The following TBC1D30 variants were observed in gnomAD, a reference collection of about 807,000 sequenced individuals.
The protein encoded by TBC1D30 is TBC1 domain family, member 30.
TBC1D30 carries 31 observed loss-of-function variants against 63.2 expected under a neutral mutation model. The observed-to-expected ratio is 0.49, with a 90% CI of 0.37 to 0.66. The LOEUF (loss-of-function observed/expected upper bound fraction) is 0.66, where lower values mean the gene tolerates loss of function less well. TBC1D30 is among the 30% of genes least tolerant of loss of function. TBC1D30 has a pLI of 0.00. For missense variants in TBC1D30, 810 were observed against 953.6 expected, an observed-to-expected ratio of 0.85 and a Z score of 1.98; for synonymous variants, 307 against 361.5, an observed-to-expected ratio of 0.85 and a Z score of 1.71.
At position 64,864,781 on chromosome 12, in the gene TBC1D30, G is replaced by A; in HGVS notation, c.1151+1G>A. On this transcript the variant is annotated splice_donor_variant, in intron 9 of 11. Transcript: ENST00000539867. LOFTEE classifies it high-confidence loss of function. ...CAGTTAAACCCACCTCAGTTTCTGG[G>A]TAAGGTTTTTAAATTCCTTGTTGTT... 1.3e-6 allele frequency: 2 copies of A among 1,531,538 alleles called. No homozygotes were observed. Among genetic ancestry groups the A allele is most frequent in the Non-Finnish European group, 1.7e-6 (2 of 1,143,310 alleles). The allele number at this position is 1,531,538 out of a possible 1,614,324, so 94.9% of individuals were successfully genotyped here.
At chr12:64,855,665 C>T (rs547657201) in intron 8 of TBC1D30, among the ~76,000 whole-genome samples, 1 of 152,326 alleles carries the variant, frequency 6.6e-6, no homozygotes, top group Admixed American at 6.5e-5. Context: ...ATAATTTCTG[C>T]TTAACTATTT....
At chr12:64,838,873 CTCTGTTCT>C in intron 7 of TBC1D30, 22 bp downstream of exon 7, 1 of 1,534,950 alleles carries the variant, frequency 6.5e-7, no homozygotes, top group Non-Finnish European at 8.7e-7. Context: ...CCACCTTCTG[CTCTGTTCT>C]GTGATGTTGA....
chr12:64,864,421 C>A (rs1007250467), intron 8 of TBC1D30, among the ~76,000 whole-genome samples: 2 of 152,112 alleles, frequency 1.3e-5, no homozygotes, highest in African/African-American at 4.8e-5. Context: ...GATTGCCCAC[C>A]CTTGTTTACC....
chr12:64,780,981 C>G (rs2136288960), exon 1 of TBC1D30: 5 of 1,054,380 alleles, frequency 4.7e-6, no homozygotes, highest in Non-Finnish European at 4.6e-6. Flanking sequence ...TCCCGGGACA[C>G]GTGGGACGGC....
chr12:64,810,677 G>A (rs140264789), intron 2 of TBC1D30, among the ~76,000 whole-genome samples: 116 of 152,230 alleles, frequency 7.6e-4, no homozygotes, highest in African/African-American at 2.5e-3. Flanking sequence ...GTTTACAGAA[G>A]GCTTTAGTGT....
intron 8 of TBC1D30, among the ~76,000 whole-genome samples, chr12:64,857,366 G>A (rs1007676186): frequency 6.6e-6 from 1 of 152,158 alleles, no homozygotes; most frequent in South Asian, 2.1e-4. Flanking sequence ...GGCCCAGGGT[G>A]TGGCTGGAAA....
At chr12:64,816,097 A>G (rs183130120) in intron 2 of TBC1D30, among the ~76,000 whole-genome samples, 4 of 151,278 alleles carry the variant, frequency 2.6e-5, no homozygotes, top group Non-Finnish European at 5.9e-5. Context: ...CAGTGGTGCA[A>G]TCTTGGCTCA....
Position 64,866,778 on chromosome 12 carries a change from C to A in TBC1D30, c.1166C>A (p.Ala389Asp). The A allele has an allele frequency of 6.5e-7, 1 of 1,536,306 alleles. No individual in the cohort carries two copies. Among genetic ancestry groups the A allele is most frequent in the Non-Finnish European group, 8.7e-7 (1 of 1,146,944 alleles). Residue 389 changes from alanine to aspartate, a missense_variant, in exon 10 of 12, where the codon GCC becomes GAC. Physicochemically the swap from Ala to Asp is moderately radical, Grantham distance 126. Around this residue, in one of 4 missense-constraint regions of TBC1D30, gnomAD observed 450 missense variants for 473.0 expected, o/e 0.95. Coordinates refer to ENST00000539867, the MANE Select transcript of TBC1D30 (RefSeq NM_015279.2). Reference protein sequence around the residue: ...PTSVSGRHSKARDSDEENDPD... With the variant: ...PTSVSGRHSKDRDSDEENDPD... ...TGTTTTCCAAGACGACATAGTAAGG[C>A]CAGAGACAGTGATGAAGAGAATGAC...
intron 1 of TBC1D30, among the ~76,000 whole-genome samples, chr12:64,762,925 C>T (rs960289012): frequency 5.3e-5 from 8 of 152,140 alleles, no homozygotes; most frequent in African/African-American, 1.9e-4. Context: ...TCAGAAAACT[C>T]TATCAAATAT....
intron 10 of TBC1D30, among the ~76,000 whole-genome samples, chr12:64,867,399 G>T (rs1057380131): frequency 2.6e-4 from 40 of 151,576 alleles, no homozygotes; most frequent in African/African-American, 8.7e-4. Flanking sequence ...GGCAGAGGTT[G>T]CAGTGAGCCG....
chr12:64,827,338 A>G (rs1874446718), intron 1 of TBC1D30, among the ~76,000 whole-genome samples: 1 of 152,122 alleles, frequency 6.6e-6, no homozygotes, highest in South Asian at 2.1e-4. Flanking sequence ...AATCCCAGCT[A>G]TTTGGGAGGC....
intron 8 of TBC1D30, among the ~76,000 whole-genome samples, chr12:64,864,457 G>A (rs965727065): frequency 1.3e-5 from 2 of 152,198 alleles, no homozygotes; most frequent in African/African-American, 4.8e-5. Context: ...CTGCAGCTGG[G>A]TTGATTTGAG....
chr12:64,809,105 G>A (rs920704106), intron 2 of TBC1D30, among the ~76,000 whole-genome samples: 4 of 152,056 alleles, frequency 2.6e-5, no homozygotes, highest in Non-Finnish European at 5.9e-5. Flanking sequence ...TTCTTTTTGT[G>A]AATTTTATTT....
intron 9 of TBC1D30, among the ~76,000 whole-genome samples, chr12:64,866,365 T>A (rs1310216051): frequency 1.3e-5 from 2 of 152,092 alleles, no homozygotes; most frequent in Non-Finnish European, 2.9e-5. Context: ...CAAATGACCA[T>A]GGTTACTAGT....
intron 1 of TBC1D30, among the ~76,000 whole-genome samples, chr12:64,775,181 A>G (rs1027288034): frequency 2.0e-5 from 3 of 151,976 alleles, no homozygotes; most frequent in Admixed American, 1.3e-4. Context: ...AACACACTGT[A>G]GTACACAAAG....
rs1189023408 is a variant in TBC1D30 at position 64,875,121 on chromosome 12, A to G, written c.1619A>G (p.His540Arg). Residue 540 changes from histidine (H) to arginine (R), a missense_variant, in exon 12 of 12, where the codon CAC becomes CGC. This residue lies in a region of TBC1D30 where 450 missense variants were observed against 473.0 expected (regional missense o/e 0.95). Transcript: ENST00000539867. ...TNRAAKNAVIHIPGHTGGKIS... is the reference protein window; with the variant it reads ...TNRAAKNAVIRIPGHTGGKIS... Reference sequence around the variant, plus strand: ...AGAGCTGCCAAGAATGCTGTCATCCACATCCCTGGTCACACAGGAGGGAAA... The same window carrying G: ...AGAGCTGCCAAGAATGCTGTCATCCGCATCCCTGGTCACACAGGAGGGAAA... 5.9e-6 allele frequency: 9 copies of G among 1,536,530 alleles called. No homozygotes were observed. Among genetic ancestry groups the G allele is most frequent in the Non-Finnish European group, 7.8e-6 (9 of 1,146,944 alleles).
rs1226220514 is a variant in TBC1D30, at chr12:64,870,677, G to A, written c.1367G>A (p.Ser456Asn). 2.0e-6 allele frequency: 3 copies of A among 1,536,120 alleles called. No homozygotes were observed. The East Asian group carries it at 7.3e-5, about 38-fold the overall frequency. The stretch of plus-strand genomic sequence containing the variant: ...CCAGGAGCAATCAATTCCTGTCGAA[G>A]TGAATACCATGCAGCTTTTAACAGT... ...LSPGAINSCR[S>N]EYHAAFNSMM... The change falls in exon 11 of 12, where the codon AGT becomes AAT. Residue 456 changes from serine to asparagine, a missense_variant. Physicochemically the swap from Ser to Asn is conservative, Grantham distance 46 (BLOSUM62 1). This residue lies in a region of TBC1D30 where 450 missense variants were observed against 473.0 expected (regional missense o/e 0.95). Transcript: ENST00000539867.
At chr12:64,792,864 A>C (rs150776215) in intron 2 of TBC1D30, among the ~76,000 whole-genome samples, 1 of 152,250 alleles carries the variant, frequency 6.6e-6, no homozygotes, top group South Asian at 2.1e-4. Flanking sequence ...ATGAACTACT[A>C]TGCCCAGCCT....
intron 1 of TBC1D30, among the ~76,000 whole-genome samples, chr12:64,774,569 G>A (rs1871010209): frequency 6.6e-6 from 1 of 152,158 alleles, no homozygotes; most frequent in African/African-American, 2.4e-5. Context: ...ACAAAGGGAA[G>A]CCCAGCAGAC....
Sources: allele counts gnomAD v4.1 joint callset (sites outside exome capture counted in the v4.1 genomes callset), GRCh38; gene constraint gnomAD v4.1.1; regional missense constraint gnomAD v4.1.1; transcripts MANE v1.5; gene names NCBI Gene and HGNC (gene_info 2026-07-23, HGNC 2026-07-21).